ZNF730: variants seen among roughly 807,000 people sequenced by gnomAD.
ZNF730 encodes the protein zinc finger protein 730.
In ZNF730, 12 loss-of-function variants were observed where a neutral mutation model predicts 12.6. That is an observed-to-expected ratio of 0.95 (90% CI 0.61 to 1.54). The LOEUF is 1.54. ZNF730 is among the 40% of genes most tolerant of loss of function. ZNF730 has a pLI of 0.00. For missense variants in ZNF730, 643 were observed against 583.5 expected (o/e 1.10, Z -1.05); for synonymous variants, 194 against 195.8 (o/e 0.99, Z 0.08).
intron 1 of ZNF730, chr19:23,125,669 G>A (rs1970654883): frequency 6.6e-6 from 1 of 152,256 alleles, no homozygotes; most frequent in South Asian, 2.1e-4. Flanking sequence ...TGCAGGATAG[G>A]TTTTGTTAAA....
chr19:23,134,277 G>A (rs1049826831), intron 2 of ZNF730, 71 bp downstream of exon 2: 41 of 1,293,668 alleles, frequency 3.2e-5, no homozygotes, highest in Non-Finnish European at 2.3e-5. Context: ...AAAATTCTGT[G>A]CTTTCAGATC....
At chr19:23,116,983 C>G, upstream of ZNF730, 1 of 857,230 alleles carries the variant, frequency 1.2e-6, no homozygotes, top group Admixed American at 3.8e-5. Flanking sequence ...CCAATCAGGC[C>G]CGCAGCTGGA....
At chr19:23,126,010 T>A (rs899078253) in intron 1 of ZNF730, among the ~76,000 whole-genome samples, 1 of 152,164 alleles carries the variant, frequency 6.6e-6, no homozygotes, top group African/African-American at 2.4e-5. Context: ...TCTTCAGAAA[T>A]CATAAAGATT....
intron 2 of ZNF730, among the ~76,000 whole-genome samples, chr19:23,135,037 A>G (rs952832655): frequency 8.2e-6 from 1 of 122,614 alleles, no homozygotes; most frequent in Non-Finnish European, 1.7e-5. Flanking sequence ...CATGCTCGTT[A>G]AGAGTCATCA....
At chr19:23,138,641 C>G (rs1405759843) in intron 3 of ZNF730, among the ~76,000 whole-genome samples, 1 of 152,118 alleles carries the variant, frequency 6.6e-6, no homozygotes, top group Non-Finnish European at 1.5e-5. Context: ...TGTTTGCCAC[C>G]TGAATGAAAG....
chr19:23,075,572 C>T (rs1393953167), intron 1 of ZNF730, among the ~76,000 whole-genome samples: 1 of 152,140 alleles, frequency 6.6e-6, no homozygotes, highest in Non-Finnish European at 1.5e-5. Context: ...CGTCTCGCCG[C>T]GTCCCTGCTG....
At chr19:23,133,050 A>T (rs920302886) in intron 1 of ZNF730, among the ~76,000 whole-genome samples, 1 of 152,218 alleles carries the variant, frequency 6.6e-6, no homozygotes, top group Non-Finnish European at 1.5e-5. Context: ...TCACTTGATT[A>T]ATGAAGCTGA....
At chr19:23,136,998 G>A (rs957560721) in intron 3 of ZNF730, among the ~76,000 whole-genome samples, 2 of 151,908 alleles carry the variant, frequency 1.3e-5, no homozygotes, top group African/African-American at 2.4e-5. Flanking sequence ...GTGAAACCCT[G>A]TCTCTACTAA....
At chr19:23,081,160 T>G (rs1320848202) in intron 1 of ZNF730, among the ~76,000 whole-genome samples, 1 of 151,790 alleles carries the variant, frequency 6.6e-6, no homozygotes, top group Non-Finnish European at 1.5e-5. Flanking sequence ...TTTTTCTTTT[T>G]TTTTTTGAGG....
rs747980176 is a variant in ZNF730 at position 23,145,297 on chromosome 19, C to G, written c.253C>G (p.Leu85Val). ...TATATGTTCTCATATTGCCCAAGAC[C>G]TTTGGCCAGAGCAAGGCATAAAAGA... ...PVICSHIAQDLWPEQGIKDYF... is the reference protein window; with the variant it reads ...PVICSHIAQDVWPEQGIKDYF... The change falls in exon 4 of 4, where the codon CTT becomes GTT. Residue 85 changes from leucine to valine, a missense_variant. By Grantham distance (32) the Leu-to-Val change is conservative (BLOSUM62 1). Transcript: ENST00000597761. The G allele has an allele frequency of 2.6e-6, 4 of 1,562,026 alleles. No homozygotes were observed. Among genetic ancestry groups the G allele is most frequent in the Non-Finnish European group, 3.5e-6 (4 of 1,157,976 alleles).
chr19:23,104,342 C>T (rs1279790957), intron 1 of ZNF730, among the ~76,000 whole-genome samples: 1 of 149,370 alleles, frequency 6.7e-6, no homozygotes, highest in South Asian at 2.1e-4. Flanking sequence ...TCATGAGGAG[C>T]TAAAATGTTC....
intron 1 of ZNF730, among the ~76,000 whole-genome samples, chr19:23,091,324 CT>C (rs1174990315): frequency 9.2e-5 from 14 of 152,126 alleles, no homozygotes; most frequent in African/African-American, 3.4e-4. Flanking sequence ...TGGAGAACCT[CT>C]GCTAGGGCAG....
chr19:23,128,392 G>T, intron 1 of ZNF730: 1 of 451,808 alleles, frequency 2.2e-6, no homozygotes. Flanking sequence ...GCATAAGAAA[G>T]CTCATGCTGC....
At chr19:23,117,257 G>T in intron 1 of ZNF730, 81 bp downstream of exon 1, 1 of 1,608,104 alleles carries the variant, frequency 6.2e-7, no homozygotes, top group Non-Finnish European at 8.5e-7. Flanking sequence ...CGGGACCCAG[G>T]CCTCCCCGCA....
intron 3 of ZNF730, among the ~76,000 whole-genome samples, chr19:23,136,310 A>G (rs1970832061): frequency 6.6e-6 from 1 of 152,206 alleles, no homozygotes; most frequent in African/African-American, 2.4e-5. Flanking sequence ...ATGGCATATA[A>G]TAGACTGCAC....
intron 1 of ZNF730, among the ~76,000 whole-genome samples, chr19:23,082,803 G>T (rs1033175681): frequency 6.6e-6 from 1 of 152,094 alleles, no homozygotes; most frequent in African/African-American, 2.4e-5. Context: ...TTGGGTTCAG[G>T]TGATTCTCCT....
chr19:23,134,663 G>C (rs1223297718), intron 2 of ZNF730, among the ~76,000 whole-genome samples: 2 of 144,178 alleles, frequency 1.4e-5, no homozygotes, highest in African/African-American at 2.6e-5. Flanking sequence ...GCTTCTGCCC[G>C]GCCGCCCCTA....
At chr19:23,126,653 T>C in intron 1 of ZNF730, 1 of 474,364 alleles carries the variant, frequency 2.1e-6, no homozygotes, top group Admixed American at 2.9e-5. Flanking sequence ...ACTCTGCCAG[T>C]TCCACTAGTT....
Position 23,145,348 on chromosome 19 carries a change from C to A in ZNF730, c.304C>A (p.Gln102Lys). Residue 102 changes from glutamine to lysine, a missense_variant, in exon 4 of 4, where the codon CAA (glutamine) becomes AAA (lysine). Gln to Lys is a moderately conservative substitution (Grantham distance 53, BLOSUM62 1). Coordinates refer to ENST00000597761, the MANE Select transcript of ZNF730 (RefSeq NM_001277403.2). ...KDYFQEVILR[Q>K]YKKCRHENLL... ...TTATTTCCAAGAAGTCATACTGAGACAATATAAAAAATGTAGACATGAGAA... is the reference window on the plus strand; with the variant it reads ...TTATTTCCAAGAAGTCATACTGAGAAAATATAAAAAATGTAGACATGAGAA... 6.3e-7 allele frequency: 1 copy of A among 1,596,822 alleles called. No individual in the cohort carries two copies. Among genetic ancestry groups the A allele is most frequent in the Non-Finnish European group, 8.5e-7 (1 of 1,172,498 alleles).
Sources: gnomAD v4.1 joint callset for allele counts (sites outside exome capture counted in the v4.1 genomes callset) on GRCh38, gnomAD v4.1.1 for gene constraint, MANE v1.5 for transcripts, NCBI Gene and HGNC (gene_info 2026-07-23, HGNC 2026-07-21) for gene names.